Variants in LPAR1 observed in about 807,000 individuals in gnomAD.
LPAR1 encodes LPA receptor 1.
In LPAR1, 5 loss-of-function variants were observed where a neutral mutation model predicts 23.8. That is an observed-to-expected ratio of 0.21 (90% CI 0.11 to 0.44). The LOEUF (loss-of-function observed/expected upper bound fraction) is 0.44. Among genes scored for constraint, LPAR1 ranks in the 20% least tolerant of loss-of-function variants. LPAR1 has a pLI of 0.99. For synonymous variants in LPAR1, 160 were observed against 164.7 expected (o/e 0.97, Z 0.22); for missense variants, 311 against 482.8 (o/e 0.64, Z 3.33).
intron 2 of LPAR1, among the ~76,000 whole-genome samples, chr9:110,985,487 C>T (rs1165740063): frequency 2.0e-5 from 3 of 152,084 alleles, no homozygotes; most frequent in South Asian, 2.1e-4. Context: ...GCCCATCCTG[C>T]GCACACTGAC....
chr9:111,004,985 A>AC (rs1159361420), intron 2 of LPAR1, among the ~76,000 whole-genome samples: 2 of 151,874 alleles, frequency 1.3e-5, no homozygotes, highest in Non-Finnish European at 2.9e-5. Flanking sequence ...ACAAAGTGAG[A>AC]CCCCATCTCT....
chr9:111,003,680 C>T (rs2097168402), intron 2 of LPAR1, among the ~76,000 whole-genome samples: 1 of 152,050 alleles, frequency 6.6e-6, no homozygotes, highest in Non-Finnish European at 1.5e-5. Context: ...CACCCATGAG[C>T]CAATGCAGTG....
chr9:110,960,564 T>C (rs1314352902), intron 4 of LPAR1, among the ~76,000 whole-genome samples: 1 of 152,192 alleles, frequency 6.6e-6, no homozygotes, highest in Non-Finnish European at 1.5e-5. Context: ...ATCGAAATGT[T>C]AACATTTTAC....
At chr9:110,905,977 C>T (rs1222522538) in intron 5 of LPAR1, among the ~76,000 whole-genome samples, 25 of 152,146 alleles carry the variant, frequency 1.6e-4, no homozygotes, top group African/African-American at 2.4e-5. Context: ...ATTTCAAACA[C>T]GTGACATGTA....
chr9:110,918,478 T>G (rs1362575031), intron 5 of LPAR1, among the ~76,000 whole-genome samples: 2 of 152,198 alleles, frequency 1.3e-5, no homozygotes, highest in East Asian at 3.8e-4. Context: ...AGTAGCTGGC[T>G]TATGTACAGG....
At chr9:111,012,408 T>C (rs984578991) in intron 2 of LPAR1, among the ~76,000 whole-genome samples, 2 of 152,106 alleles carry the variant, frequency 1.3e-5, no homozygotes, top group Admixed American at 1.3e-4. Context: ...CCTTATCCTA[T>C]GCTTGCCGAA....
intron 5 of LPAR1, among the ~76,000 whole-genome samples, chr9:110,936,205 T>C (rs1020370994): frequency 1.3e-4 from 20 of 152,368 alleles, no homozygotes; most frequent in African/African-American, 4.3e-4. Flanking sequence ...TAAAGAATTT[T>C]TTCTCTTATC....
chr9:110,922,018 T>C (rs1366074352), intron 5 of LPAR1, among the ~76,000 whole-genome samples: 2 of 152,084 alleles, frequency 1.3e-5, no homozygotes, highest in Non-Finnish European at 2.9e-5. Context: ...TGCTTGATGG[T>C]GAGTATGCAG....
chr9:110,910,736 T>G (rs1407995607), intron 5 of LPAR1, among the ~76,000 whole-genome samples: 1 of 152,180 alleles, frequency 6.6e-6, no homozygotes, highest in Non-Finnish European at 1.5e-5. Context: ...TATAAGAAGT[T>G]CATTCCAACC....
chr9:110,992,619 T>C (rs981226204), intron 2 of LPAR1, among the ~76,000 whole-genome samples: 3 of 151,496 alleles, frequency 2.0e-5, no homozygotes, highest in Admixed American at 6.6e-5. Flanking sequence ...GGACAAATTG[T>C]TATGTATCCA....
chr9:110,880,851 T>A (rs1235485516), intron 5 of LPAR1, among the ~76,000 whole-genome samples: 1 of 152,214 alleles, frequency 6.6e-6, no homozygotes, highest in Non-Finnish European at 1.5e-5. Context: ...AAATTTTAGT[T>A]CATCTCTGTA....
intron 2 of LPAR1, among the ~76,000 whole-genome samples, chr9:110,990,320 T>C (rs533478974): frequency 1.3e-5 from 2 of 152,248 alleles, no homozygotes; most frequent in South Asian, 2.1e-4. Flanking sequence ...AAAAGAAATC[T>C]GTACCAATAT....
intron 4 of LPAR1, among the ~76,000 whole-genome samples, chr9:110,946,217 T>C (rs151118726): frequency 6.1e-4 from 93 of 151,712 alleles, no homozygotes; most frequent in Middle Eastern, 3.4e-3. Context: ...AAGGCACATA[T>C]AGGAAAAAAA....
intron 4 of LPAR1, among the ~76,000 whole-genome samples, chr9:110,958,334 C>T (rs1319881614): frequency 1.3e-5 from 2 of 152,128 alleles, no homozygotes; most frequent in African/African-American, 4.8e-5. Context: ...AAATATATCA[C>T]AAAGCTATGG....
At chr9:110,961,097 T>C (rs2095958882) in intron 4 of LPAR1, among the ~76,000 whole-genome samples, 1 of 152,020 alleles carries the variant, frequency 6.6e-6, no homozygotes, top group African/African-American at 2.4e-5. Flanking sequence ...AGCTTATCTC[T>C]ATAAACTATG....
chr9:110,903,992 T>C (rs956080566), intron 5 of LPAR1, among the ~76,000 whole-genome samples: 1 of 148,544 alleles, frequency 6.7e-6, no homozygotes, highest in African/African-American at 2.5e-5. Flanking sequence ...TGAAACCATA[T>C]AGGCCAGAAG....
chr9:110,981,711 C>A (rs1260896239), intron 2 of LPAR1, among the ~76,000 whole-genome samples: 3 of 151,808 alleles, frequency 2.0e-5, no homozygotes, highest in Admixed American at 2.0e-4. Flanking sequence ...CATGTGCTTA[C>A]AATAATGGAA....
rs558196867 is a variant in LPAR1 at position 110,990,358 on chromosome 9, T to A, written c.-181-16800A>T. Among the ~76,000 whole-genome samples, 10 of 152,126 alleles carry A rather than the reference T, an allele frequency of 6.6e-5. No individual in the cohort carries two copies. The South Asian group carries it at 2.1e-3, about 32-fold the overall frequency. ...ACCATATTCTGGGCCATAAAACAAGTCTCAATAAATGTAAAAGAATTTGAG... is the reference window on the plus strand; with the variant it reads ...ACCATATTCTGGGCCATAAAACAAGACTCAATAAATGTAAAAGAATTTGAG... On this transcript the variant is annotated intron_variant, in intron 2 of 5. Coordinates refer to ENST00000683809, the MANE Select transcript of LPAR1 (RefSeq NM_001351411.2).
chr9:110,961,606 C>T (rs1219820943), intron 4 of LPAR1, among the ~76,000 whole-genome samples: 6 of 112,540 alleles, frequency 5.3e-5, no homozygotes, highest in Non-Finnish European at 8.2e-5. Flanking sequence ...GGTGACAGAG[C>T]GAGACTATCT....
Sources: gnomAD v4.1 joint callset for allele counts (sites outside exome capture counted in the v4.1 genomes callset) on GRCh38, gnomAD v4.1.1 for gene constraint, MANE v1.5 for transcripts, NCBI Gene and HGNC (gene_info 2026-07-23, HGNC 2026-07-21) for gene names.